Variants in ZNF676 observed in about 807,000 individuals in gnomAD.
ZNF676 encodes the protein zinc finger protein 676.
In ZNF676, 4 loss-of-function variants were observed where a neutral mutation model predicts 6.0. The observed-to-expected ratio is 0.67, with a 90% CI of 0.33 to 1.53. The LOEUF is 1.53. Among genes scored for constraint, ZNF676 ranks in the 40% most tolerant of loss-of-function variants. ZNF676 has a pLI of 0.06. For missense variants in ZNF676, 644 were observed against 679.7 expected (o/e 0.95, Z 0.58); for synonymous variants, 198 against 223.1 (o/e 0.89, Z 1.00).
the ZNF676 span, among the ~76,000 whole-genome samples, chr19:22,254,632 T>G: frequency 6.6e-6 from 1 of 152,110 alleles, no homozygotes; most frequent in Non-Finnish European, 1.5e-5. Context: ...AGATATGTTA[T>G]AATACCTCTG....
chr19:22,195,452 C>T (rs766398466), intron 1 of ZNF676, among the ~76,000 whole-genome samples: 16 of 152,150 alleles, frequency 1.1e-4, no homozygotes, highest in Admixed American at 1.3e-4. Flanking sequence ...TTATCGTGTC[C>T]GCAGACCCTT....
At chr19:22,235,903 G>A in the ZNF676 span, among the ~76,000 whole-genome samples, 2 of 151,020 alleles carry the variant, frequency 1.3e-5, no homozygotes, top group Admixed American at 1.3e-4. Flanking sequence ...CTGCATACCA[G>A]GTACCAGGAG....
upstream of ZNF676, among the ~76,000 whole-genome samples, chr19:22,219,497 C>A (rs1158434214): frequency 6.6e-6 from 1 of 152,060 alleles, no homozygotes; most frequent in Non-Finnish European, 1.5e-5. Context: ...AATTTAGATT[C>A]TGTTTATTTT....
At chr19:22,182,309 T>C (rs2023767259) in intron 2 of ZNF676, among the ~76,000 whole-genome samples, 1 of 152,098 alleles carries the variant, frequency 6.6e-6, no homozygotes, top group Non-Finnish European at 1.5e-5. Context: ...ATAAATTTTG[T>C]GACAGGTGGC....
At chr19:22,190,927 A>G (rs2023899476) in intron 2 of ZNF676, among the ~76,000 whole-genome samples, 1 of 152,052 alleles carries the variant, frequency 6.6e-6, no homozygotes, top group Admixed American at 6.6e-5. Context: ...ATAGATATAA[A>G]GCAATTACAC....
the ZNF676 span, among the ~76,000 whole-genome samples, chr19:22,257,789 A>C: frequency 1.3e-5 from 2 of 152,230 alleles, no homozygotes; most frequent in Non-Finnish European, 2.9e-5. Context: ...GAGCAGGCTC[A>C]GGCAGGAGAG....
chr19:22,235,707 A>G, the ZNF676 span, among the ~76,000 whole-genome samples: 1 of 152,206 alleles, frequency 6.6e-6, no homozygotes, highest in Non-Finnish European at 1.5e-5. Context: ...GACAACTGTG[A>G]TATTTGCAAA....
chr19:22,238,286 G>A, the ZNF676 span, among the ~76,000 whole-genome samples: 3 of 152,014 alleles, frequency 2.0e-5, no homozygotes, highest in Non-Finnish European at 4.4e-5. Context: ...TCCTGAACTC[G>A]TGATCCACCT....
chr19:22,235,001 AAAGAAAGAAAGAAAGAAAGAAAGAAAG>A, the ZNF676 span, among the ~76,000 whole-genome samples: 39 of 118,390 alleles, frequency 3.3e-4, no homozygotes, highest in African/African-American at 1.1e-3. Flanking sequence ...AGAAAGAAAG[AAAGAAAGAAAGAAAGAAAGAAAGAAAG>A]AAAGAAAAGA....
At chr19:22,200,833 G>C (rs1163815249), upstream of ZNF676, among the ~76,000 whole-genome samples, 2 of 152,040 alleles carry the variant, frequency 1.3e-5, no homozygotes, top group East Asian at 3.9e-4. Flanking sequence ...ACAGGTATGA[G>C]ACACTGCACC....
At chr19:22,250,544 G>T in the ZNF676 span, among the ~76,000 whole-genome samples, 1 of 152,016 alleles carries the variant, frequency 6.6e-6, no homozygotes, top group South Asian at 2.1e-4. Context: ...TCAGCCTCCT[G>T]AGTACCCGAG....
At chr19:22,247,819 A>T in the ZNF676 span, among the ~76,000 whole-genome samples, 1 of 152,108 alleles carries the variant, frequency 6.6e-6, no homozygotes, top group African/African-American at 2.4e-5. Context: ...CATGTACAGG[A>T]TCATAAGACA....
upstream of ZNF676, among the ~76,000 whole-genome samples, chr19:22,201,559 G>A (rs1323807814): frequency 6.6e-6 from 1 of 151,996 alleles, no homozygotes; most frequent in African/African-American, 2.4e-5. Flanking sequence ...CCTCTTAGAG[G>A]CTGCTCTAGA....
the ZNF676 span, among the ~76,000 whole-genome samples, chr19:22,254,596 T>A: frequency 6.6e-6 from 1 of 151,610 alleles, no homozygotes. Context: ...AAGAGAAGAG[T>A]CACATCACCT....
chr19:22,229,551 C>T, the ZNF676 span, among the ~76,000 whole-genome samples: 312 of 152,292 alleles, frequency 2.0e-3, no homozygotes, highest in Middle Eastern at 3.4e-3. Flanking sequence ...AAACTATCAT[C>T]AGAGTGAACA....
intron 1 of ZNF676, among the ~76,000 whole-genome samples, chr19:22,215,040 C>CAAA (rs1159376851): frequency 0.046 from 2,346 of 51,088 alleles, 57 homozygotes; most frequent in Non-Finnish European, 0.061. Flanking sequence ...GACTCCATCT[C>CAAA]AAAAAAAAAA....
chr19:22,202,915 GCTAT>G (rs1312708769), intron 1 of ZNF676, among the ~76,000 whole-genome samples: 3 of 152,162 alleles, frequency 2.0e-5, no homozygotes, highest in Non-Finnish European at 4.4e-5. Flanking sequence ...TGATTCGGGT[GCTAT>G]CTTTTTGGCT....
the ZNF676 span, chr19:22,243,561 A>G: frequency 6.6e-6 from 1 of 152,076 alleles, no homozygotes; most frequent in Non-Finnish European, 1.5e-5. Context: ...AAAATTGCCC[A>G]TATGGGCAGG....
At chr19:22,236,028 T>C in the ZNF676 span, among the ~76,000 whole-genome samples, 1 of 151,362 alleles carries the variant, frequency 6.6e-6, no homozygotes, top group Non-Finnish European at 1.5e-5. Flanking sequence ...CCATCTGTCT[T>C]CTGCCAAATG....
Sources: allele counts gnomAD v4.1 joint callset (sites outside exome capture counted in the v4.1 genomes callset), GRCh38; gene constraint gnomAD v4.1.1; transcripts MANE v1.5; gene names NCBI Gene and HGNC (gene_info 2026-07-23, HGNC 2026-07-21).